Variants in KHNYN observed in about 807,000 individuals in gnomAD.
KHNYN encodes protein KHNYN.
Under a neutral mutation model 62.7 loss-of-function variants are expected in KHNYN, and 42 were observed. The observed-to-expected ratio is 0.67, with a 90% CI of 0.52 to 0.87. The LOEUF is 0.87. KHNYN is among the 40% of genes least tolerant of loss of function. The pLI is 0.00. For synonymous variants in KHNYN, 347 were observed against 345.6 expected, an observed-to-expected ratio of 1.00 and a Z score of -0.04; for missense variants, 829 against 874.1, an observed-to-expected ratio of 0.95 and a Z score of 0.65.
Position 24,432,739 on chromosome 14 carries a change from A to T in KHNYN, c.1367A>T (p.Tyr456Phe). 3 of 1,614,094 alleles carry T rather than the reference A, an allele frequency of 1.9e-6. No individual in the cohort carries two copies. Among genetic ancestry groups the T allele is most frequent in the Non-Finnish European group, 2.5e-6 (3 of 1,180,008 alleles). The stretch of plus-strand genomic sequence containing the variant: ...CACTACAGGCATGGCCTCCAGCACT[A>T]CTTCTCCAGCCGGGGCATTGCCATT... Reference protein sequence around the residue: ...NVAMVHGLQHYFSSRGIAIAV... With the variant: ...NVAMVHGLQHFFSSRGIAIAV... Residue 456 changes from tyrosine to phenylalanine, a missense_variant, in exon 4 of 8, where the codon TAC (tyrosine) becomes TTC (phenylalanine). By Grantham distance (22) the Tyr-to-Phe change is conservative. Coordinates refer to ENST00000553935, the MANE Select transcript of KHNYN (RefSeq NM_015299.3). The surrounding 1 kb of genome is among the most constrained non-coding windows in gnomAD (Gnocchi z 5.6).
Position 24,441,728 on chromosome 14 carries a change from C to A in KHNYN, c.*4443C>A. 6.2e-7 allele frequency: 1 copy of A among 1,601,922 alleles called. No individual in the cohort carries two copies. On this transcript the variant is annotated 3_prime_UTR_variant, in exon 8 of 8. Transcript: ENST00000553935. The stretch of plus-strand genomic sequence containing the variant: ...GGGGGTTGTGGGGCTTTGGTGATGG[C>A]TTTAGCCAGCAATTGGGTGGTCTCT...
chr14:24,431,534 C>T lies in KHNYN; in HGVS notation c.273C>T (p.Ile91=). 1.2e-6 allele frequency: 2 copies of T among 1,611,126 alleles called. No homozygotes were observed. The highest frequency in any genetic ancestry group is 1.1e-5 in the South Asian group (1 of 90,960). ...EIHYPPKLHC[I]FLGAQGFFLD... The stretch of plus-strand genomic sequence containing the variant: ...ACTACCCGCCCAAACTGCACTGCAT[C>T]TTTCTGGGAGCCCAGGGCTTCTTCC... Residue 91 remains isoleucine (I), a synonymous_variant, in exon 3 of 8, where the codon ATC becomes ATT. Transcript: ENST00000553935.
the KHNYN span, among the ~76,000 whole-genome samples, chr14:24,423,658 C>A: frequency 6.6e-6 from 1 of 152,190 alleles, no homozygotes; most frequent in Non-Finnish European, 1.5e-5. Flanking sequence ...GGGCAGCTGG[C>A]AAAGGAAACC....
Position 24,431,603 on chromosome 14 carries a change from G to A in KHNYN, c.342G>A (p.Arg114=), listed in dbSNP as rs771845215. Residue 114 remains arginine, a synonymous_variant, in exon 3 of 8, where the codon AGG becomes AGA. Coordinates refer to ENST00000553935, the MANE Select transcript of KHNYN (RefSeq NM_015299.3). ...GCACGTCAGCCCATCTGGTGCCCAGGGCGCCAGGCTCACTGATGATCAGTG... is the reference window on the plus strand; with the variant it reads ...GCACGTCAGCCCATCTGGTGCCCAGAGCGCCAGGCTCACTGATGATCAGTG... ...AWSTSAHLVP[R]APGSLMISGL... The A allele has an allele frequency of 6.2e-6, 10 of 1,613,240 alleles. No individual in the cohort carries two copies. In the Admixed American group the frequency reaches 1.5e-4, roughly 24 times the overall value.
At position 24,435,928 on chromosome 14, in the gene KHNYN, G is replaced by A. The variant is rs188972374; in HGVS notation, c.1578-144G>A. 82 of 660,206 alleles carry A rather than the reference G, an allele frequency of 1.2e-4. 1 individual carries two copies. The highest frequency in any genetic ancestry group is 5.7e-4 in the Admixed American group (23 of 40,272). The allele number at this position is 660,206 out of a possible 1,614,324, so 40.9% of individuals were successfully genotyped here. Reference sequence around the variant, plus strand: ...TTACTTTTATTTTTGTAGATTTGGGGGATACCAATACAGTTTTGCTACATA... The same window carrying A: ...TTACTTTTATTTTTGTAGATTTGGGAGATACCAATACAGTTTTGCTACATA... On this transcript the variant is annotated intron_variant, in intron 5 of 7. Transcript: ENST00000553935.
upstream of KHNYN, chr14:24,427,407 C>G: frequency 4.5e-6 from 1 of 223,758 alleles, no homozygotes; most frequent in Non-Finnish European, 9.0e-6. This position sits in a 1 kb window ranked among gnomAD's most constrained non-coding sequence, Gnocchi z 4.4. Context: ...CCTGTGGGGG[C>G]CTGTCAGGCT....
In KHNYN at chr14:24,438,236, A is replaced by G. The variant is rs1372828782; in HGVS notation, c.*951A>G. 1.3e-5 allele frequency: 2 copies of G among 152,644 alleles called. No individual in the cohort carries two copies. The highest frequency in any genetic ancestry group is 6.5e-5 in the Admixed American group (1 of 15,286). The allele number at this position is 152,644 out of a possible 1,614,324, so 9.5% of individuals were successfully genotyped here. A position where few individuals can be genotyped will look rare whatever the true frequency, so the allele number is the denominator to read the frequency against. On this transcript the variant is annotated 3_prime_UTR_variant, in exon 8 of 8. Transcript: ENST00000553935. Reference sequence around the variant, plus strand: ...TTCAGGTGTTGTTTACAGACTAACAAATGTGTTGGCAAATCCCTGGTTAGA... The same window carrying G: ...TTCAGGTGTTGTTTACAGACTAACAGATGTGTTGGCAAATCCCTGGTTAGA...
At position 24,440,733 on chromosome 14, in the gene KHNYN, G is replaced by C. The variant is rs2043309285; in HGVS notation, c.*3448G>C. 1 of 1,595,970 alleles carries C rather than the reference G, an allele frequency of 6.3e-7. No individual in the cohort carries two copies. The highest frequency in any genetic ancestry group is 1.1e-5 in the South Asian group (1 of 89,866). ...CTCTCCTAATCCCATCACTTCCCCAGCCCAGAGAAGACATTCCAACCCTGT... is the reference window on the plus strand; with the variant it reads ...CTCTCCTAATCCCATCACTTCCCCACCCCAGAGAAGACATTCCAACCCTGT... On this transcript the variant is annotated 3_prime_UTR_variant, in exon 8 of 8. Transcript: ENST00000553935.
chr14:24,437,343 C>A lies in KHNYN; in HGVS notation c.*58C>A. 6.4e-7 allele frequency: 1 copy of A among 1,563,856 alleles called. No individual in the cohort carries two copies. Among genetic ancestry groups the A allele is most frequent in the Non-Finnish European group, 8.7e-7 (1 of 1,153,760 alleles). On this transcript the variant is annotated 3_prime_UTR_variant, in exon 8 of 8. Transcript: ENST00000553935. This position sits in a 1 kb window ranked among gnomAD's most constrained non-coding sequence, Gnocchi z 5.5. The stretch of plus-strand genomic sequence containing the variant: ...AGCTCCAGCCGCCTCCAGCTCAGCC[C>A]TTTCTGTGAGAGTCCCTCTGCTGCT...
upstream of KHNYN, chr14:24,429,881 G>T: frequency 4.9e-6 from 5 of 1,012,778 alleles, no homozygotes; most frequent in Non-Finnish European, 4.7e-6. Flanking sequence ...GCGGCGGCGG[G>T]GTTGGGAGGA....
chr14:24,440,705 C>T lies in KHNYN; in HGVS notation c.*3420C>T. ...TCCTCTCACTCTGTAATTGTAATCT[C>T]AGCTCTCCTAATCCCATCACTTCCC... is the stretch of plus-strand genomic sequence containing the variant. On this transcript the variant is annotated 3_prime_UTR_variant, in exon 8 of 8. Coordinates refer to ENST00000553935, the MANE Select transcript of KHNYN (RefSeq NM_015299.3). 2 of 1,533,164 alleles carry T rather than the reference C, an allele frequency of 1.3e-6. No homozygotes were observed. The highest frequency in any genetic ancestry group is 1.8e-6 in the Non-Finnish European group (2 of 1,124,126). 95.0% of individuals were successfully genotyped at this position (1,533,164 alleles called of 1,614,324 possible).
At chr14:24,429,936 G>A, upstream of KHNYN, 1 of 999,168 alleles carries the variant, frequency 1.0e-6, no homozygotes, top group Non-Finnish European at 1.2e-6. Flanking sequence ...CCCCAGGCCA[G>A]GAAGTGACTC....
rs753181457 is a variant in KHNYN at position 24,437,310 on chromosome 14, G to A, written c.*25G>A. 7 of 1,594,482 alleles carry A rather than the reference G, an allele frequency of 4.4e-6. No homozygotes were observed. Among genetic ancestry groups the A allele is most frequent in the Admixed American group, 3.4e-5 (2 of 59,158 alleles). On this transcript the variant is annotated 3_prime_UTR_variant, in exon 8 of 8. Coordinates refer to ENST00000553935, the MANE Select transcript of KHNYN (RefSeq NM_015299.3). The surrounding 1 kb of genome is among the most constrained non-coding windows in gnomAD (Gnocchi z 5.5). ...AGCCTCACCTGCTTGAGTGGCTGCCGCCCTGTCAGCTCCAGCCGCCTCCAG... is the reference window on the plus strand; with the variant it reads ...AGCCTCACCTGCTTGAGTGGCTGCCACCCTGTCAGCTCCAGCCGCCTCCAG...
At chr14:24,424,402 C>T (rs1051954287), upstream of KHNYN, among the ~76,000 whole-genome samples, 3 of 152,236 alleles carry the variant, frequency 2.0e-5, no homozygotes, top group Non-Finnish European at 4.4e-5. Context: ...ATTGTAGCTG[C>T]ATGCCTTTTC....
intron 7 of KHNYN, among the ~76,000 whole-genome samples, 194 bp from the exon 8 acceptor site, chr14:24,436,842 C>T (rs923828546): frequency 2.0e-5 from 3 of 152,164 alleles, no homozygotes; most frequent in African/African-American, 7.2e-5. Context: ...CAGAGTTCAC[C>T]CTGTTTCTAA....
At chr14:24,429,066 T>A (rs1386014545), upstream of KHNYN, 1 of 1,480,570 alleles carries the variant, frequency 6.8e-7, no homozygotes, top group Non-Finnish European at 9.0e-7. Context: ...GCTGAGGGGC[T>A]CTGCAACCCA....
chr14:24,440,586 C>T lies in KHNYN; in HGVS notation c.*3301C>T. The T allele has an allele frequency of 1.4e-6, 2 of 1,456,878 alleles. No homozygotes were observed. Among genetic ancestry groups the T allele is most frequent in the Non-Finnish European group, 1.9e-6 (2 of 1,066,574 alleles). The allele number at this position is 1,456,878 out of a possible 1,614,324, so 90.2% of individuals were successfully genotyped here. A position where few individuals can be genotyped will look rare whatever the true frequency, so the allele number is the denominator to read the frequency against. On this transcript the variant is annotated 3_prime_UTR_variant, in exon 8 of 8. Coordinates refer to ENST00000553935, the MANE Select transcript of KHNYN (RefSeq NM_015299.3). Reference sequence around the variant, plus strand: ...TTCTGTTTCCCCTTCCTCACTCTCCCCATGCTGACTTGGCTCTGTAACAGA... The same window carrying T: ...TTCTGTTTCCCCTTCCTCACTCTCCTCATGCTGACTTGGCTCTGTAACAGA...
Position 24,437,045 on chromosome 14 carries a change from G to T in KHNYN, c.1797G>T (p.Gly599=). 6.2e-7 allele frequency: 1 copy of T among 1,613,782 alleles called. No individual in the cohort carries two copies. Among genetic ancestry groups the T allele is most frequent in the Non-Finnish European group, 8.5e-7 (1 of 1,179,714 alleles). ...EFLKKPARTQ[G]SSKAQHPSRG... Reference sequence around the variant, plus strand: ...GTCTGTTTCTTCCCAGGACACAGGGGTCTTCTAAGGCTCAGCATCCTTCCA... The same window carrying T: ...GTCTGTTTCTTCCCAGGACACAGGGTTCTTCTAAGGCTCAGCATCCTTCCA... Residue 599 remains glycine (G), a synonymous_variant, in exon 8 of 8, where the codon GGG becomes GGT. Coordinates refer to ENST00000553935, the MANE Select transcript of KHNYN (RefSeq NM_015299.3). This position sits in a 1 kb window ranked among gnomAD's most constrained non-coding sequence, Gnocchi z 5.5.
upstream of KHNYN, chr14:24,429,787 G>C: frequency 9.2e-7 from 1 of 1,087,806 alleles, no homozygotes; most frequent in Non-Finnish European, 1.1e-6. Context: ...GGAGACAGAC[G>C]GGAGGGCTGG....
Sources: gnomAD v4.1 joint callset for allele counts (sites outside exome capture counted in the v4.1 genomes callset) on GRCh38, gnomAD v4.1.1 for gene constraint, Gnocchi (gnomAD v3.1) non-coding constraint, MANE v1.5 for transcripts, NCBI Gene and HGNC (gene_info 2026-07-23, HGNC 2026-07-21) for gene names.